Variants in CHLSN observed in about 807,000 individuals in gnomAD.
CHLSN encodes protein cholesin.
At chr7:1,122,620 C>T in the CHLSN span, among the ~76,000 whole-genome samples, 4 of 152,212 alleles carry the variant, frequency 2.6e-5, no homozygotes, top group Non-Finnish European at 5.9e-5. Context: ...GGGCAGCAGG[C>T]CTGGCTCAGC....
the CHLSN span, chr7:989,110 C>T: frequency 4.7e-6 from 2 of 424,930 alleles, no homozygotes; most frequent in Non-Finnish European, 8.4e-6. Context: ...TGAAGCTGCA[C>T]TCCCACCCAC....
At chr7:995,775 G>A in the CHLSN span, among the ~76,000 whole-genome samples, 1 of 152,272 alleles carries the variant, frequency 6.6e-6, no homozygotes, top group Non-Finnish European at 1.5e-5. Context: ...GGAGGGGCTG[G>A]ACTCCTCGCC....
chr7:1,074,581 A>C, the CHLSN span: 25,308 of 152,352 alleles, frequency 0.17, 2,203 homozygotes, highest in African/African-American at 0.19. Flanking sequence ...GGCGGGGGGC[A>C]AGGAAGCAGC....
At chr7:1,119,881 A>G in the CHLSN span, among the ~76,000 whole-genome samples, 1 of 144,280 alleles carries the variant, frequency 6.9e-6, no homozygotes, top group African/African-American at 2.6e-5. Flanking sequence ...CCGTCAAAAA[A>G]AAAAAAAAGG....
chr7:1,014,170 C>G, the CHLSN span, among the ~76,000 whole-genome samples: 2 of 152,238 alleles, frequency 1.3e-5, no homozygotes, highest in Admixed American at 6.5e-5. Flanking sequence ...ACACTGAAAA[C>G]AAACCACAAA....
chr7:1,016,822 G>GCAGCGCACGC, the CHLSN span, among the ~76,000 whole-genome samples: 2 of 57,940 alleles, frequency 3.5e-5, no homozygotes, highest in African/African-American at 2.7e-4. Context: ...CCAGCGCACA[G>GCAGCGCACGC]CAGCGCACAG....
the CHLSN span, chr7:986,453 A>C: frequency 1.4e-6 from 1 of 711,488 alleles, no homozygotes; most frequent in Non-Finnish European, 2.3e-6. Context: ...GTTTCCTGGC[A>C]GTTCCTGGTC....
At chr7:1,081,088 C>A in the CHLSN span, among the ~76,000 whole-genome samples, 1 of 152,262 alleles carries the variant, frequency 6.6e-6, no homozygotes, top group East Asian at 1.9e-4. Flanking sequence ...GCACGCCCCC[C>A]ACCCGGCAGC....
the CHLSN span, among the ~76,000 whole-genome samples, chr7:1,085,493 TG>T: frequency 6.6e-6 from 1 of 152,126 alleles, no homozygotes; most frequent in Non-Finnish European, 1.5e-5. Context: ...AGGACAGCCC[TG>T]CCTCACAGGC....
the CHLSN span, chr7:997,420 C>G: frequency 5.8e-6 from 3 of 519,146 alleles, no homozygotes; most frequent in Middle Eastern, 4.9e-4. Context: ...CAGCCGTCAC[C>G]GGCCAAGGAG....
the CHLSN span, among the ~76,000 whole-genome samples, chr7:983,790 G>A: frequency 6.6e-6 from 1 of 152,202 alleles, no homozygotes; most frequent in Non-Finnish European, 1.5e-5. Flanking sequence ...TCCCACTTTT[G>A]AGCCTCTGTT....
At chr7:1,096,505 G>A in the CHLSN span, among the ~76,000 whole-genome samples, 646 of 152,284 alleles carry the variant, frequency 4.2e-3, 3 homozygotes, top group African/African-American at 0.014. The surrounding 1 kb of genome is among the most constrained non-coding windows in gnomAD (Gnocchi z 4.6). Flanking sequence ...TGCCGCCGGC[G>A]CAGCCACACA....
chr7:1,133,647 G>C, the CHLSN span, among the ~76,000 whole-genome samples: 4 of 151,360 alleles, frequency 2.6e-5, no homozygotes, highest in Non-Finnish European at 4.4e-5. Flanking sequence ...CCAACTACTC[G>C]GGAGGCTGAG....
chr7:1,015,224 G>C, the CHLSN span, among the ~76,000 whole-genome samples: 1 of 152,190 alleles, frequency 6.6e-6, no homozygotes, highest in African/African-American at 2.4e-5. Context: ...TGAGGAAAGA[G>C]AGGTGGGGTC....
the CHLSN span, chr7:997,934 G>A: frequency 3.5e-5 from 28 of 806,120 alleles, no homozygotes; most frequent in Non-Finnish European, 9.8e-6. Flanking sequence ...GCCCGAGGGT[G>A]TGGGCGGCCT....
chr7:1,016,087 CAGCGCACAGCAGCACACAG>C, the CHLSN span, among the ~76,000 whole-genome samples: 2 of 113,554 alleles, frequency 1.8e-5, no homozygotes, highest in African/African-American at 8.9e-5. Flanking sequence ...CAGCACACAG[CAGCGCACAGCAGCACACAG>C]CAGCGCACAG....
chr7:1,000,972 G>A, the CHLSN span, among the ~76,000 whole-genome samples: 3,831 of 152,312 alleles, frequency 0.025, 167 homozygotes, highest in African/African-American at 0.087. Context: ...CTGAGTCCCA[G>A]GCCCTCACAA....
the CHLSN span, among the ~76,000 whole-genome samples, chr7:1,059,586 G>T: frequency 5.2e-5 from 7 of 135,482 alleles, no homozygotes; most frequent in South Asian, 5.0e-4. Flanking sequence ...TCCTAGTGAG[G>T]CGGGTCCCGA....
the CHLSN span, among the ~76,000 whole-genome samples, chr7:1,113,568 G>A: frequency 6.6e-6 from 1 of 152,198 alleles, no homozygotes; most frequent in East Asian, 1.9e-4. Flanking sequence ...GCTGGAATCG[G>A]ATGGCAGCGC....
Sources: allele counts gnomAD v4.1 joint callset (sites outside exome capture counted in the v4.1 genomes callset), GRCh38; gene constraint gnomAD v4.1.1; non-coding constraint Gnocchi (gnomAD v3.1); transcripts MANE v1.5; gene names NCBI Gene and HGNC (gene_info 2026-07-23, HGNC 2026-07-21).